Variants in EYS observed in about 807,000 individuals in gnomAD.
The protein encoded by EYS is protein eyes shut homolog.
Under a neutral mutation model 282.1 loss-of-function variants are expected in EYS, and 250 were observed. That is an observed-to-expected ratio of 0.89 (90% CI 0.80 to 0.98). EYS has a LOEUF of 0.98. Ranked by LOEUF, EYS falls within the 50% of genes least tolerant of loss-of-function variation. The pLI is 0.00. For synonymous variants in EYS, 1,355 were observed against 1,282.9 expected, an observed-to-expected ratio of 1.06 and a Z score of -1.20; for missense variants, 4,016 against 3,709.0, an observed-to-expected ratio of 1.08 and a Z score of -2.15.
At chr6:64,115,315 G>A (rs1372315708) in intron 31 of EYS, among the ~76,000 whole-genome samples, 2 of 152,244 alleles carry the variant, frequency 1.3e-5, no homozygotes, top group Non-Finnish European at 2.9e-5. Context: ...TGTAGTCATT[G>A]TGTGTCACTT....
chr6:64,759,647 A>G (rs1462403983), intron 22 of EYS, among the ~76,000 whole-genome samples: 1 of 152,178 alleles, frequency 6.6e-6, no homozygotes. Flanking sequence ...GATATAGATA[A>G]AAATATATTT....
intron 9 of EYS, among the ~76,000 whole-genome samples, chr6:65,346,006 T>A (rs146614562): frequency 1.0e-3 from 156 of 151,976 alleles, no homozygotes; most frequent in African/African-American, 3.7e-3. Context: ...CCCAACTCAG[T>A]GATCCAGATT....
At chr6:64,123,759 G>A (rs139937842) in intron 31 of EYS, among the ~76,000 whole-genome samples, 1 of 152,278 alleles carries the variant, frequency 6.6e-6, no homozygotes, top group African/African-American at 2.4e-5. Flanking sequence ...CAAACAACGA[G>A]ATATAAATAC....
intron 6 of EYS, 69 bp downstream of exon 6, chr6:65,405,105 T>G (rs755108902): frequency 6.6e-6 from 7 of 1,063,286 alleles, no homozygotes; most frequent in Non-Finnish European, 1.0e-5. Context: ...TTATTTATTC[T>G]TTTCAAATTG....
At chr6:65,288,086 G>A (rs1244580476) in intron 12 of EYS, among the ~76,000 whole-genome samples, 1 of 151,122 alleles carries the variant, frequency 6.6e-6, no homozygotes, top group Non-Finnish European at 1.5e-5. Flanking sequence ...TGAAAATTAT[G>A]TAGCAGAATA....
chr6:63,807,166 A>C (rs1414792753), intron 36 of EYS, among the ~76,000 whole-genome samples: 1 of 152,132 alleles, frequency 6.6e-6, no homozygotes, highest in Non-Finnish European at 1.5e-5. Context: ...AAATCTCCTT[A>C]CCCAAAGAGG....
intron 30 of EYS, among the ~76,000 whole-genome samples, chr6:64,253,283 CT>C (rs1391151535): frequency 6.6e-6 from 1 of 152,074 alleles, no homozygotes; most frequent in Non-Finnish European, 1.5e-5. Flanking sequence ...CTTTACTCTT[CT>C]AAGCCTTTAA....
At chr6:64,738,844 G>A (rs539737436) in intron 22 of EYS, among the ~76,000 whole-genome samples, 4 of 152,040 alleles carry the variant, frequency 2.6e-5, no homozygotes, top group African/African-American at 7.2e-5. Flanking sequence ...TGCAACCTCC[G>A]CCTCCCAGGT....
At chr6:64,584,695 T>C (rs1010441633) in intron 26 of EYS, among the ~76,000 whole-genome samples, 1 of 152,132 alleles carries the variant, frequency 6.6e-6, no homozygotes, top group African/African-American at 2.4e-5. Context: ...TTGCAAATTG[T>C]TTTACTGTTC....
chr6:65,319,162 C>A, intron 11 of EYS, among the ~76,000 whole-genome samples: 1 of 111,632 alleles, frequency 9.0e-6, no homozygotes, highest in Admixed American at 1.2e-4. Context: ...AGTTCGAGAC[C>A]AAACTGGCCA....
At chr6:64,414,987 T>C (rs1396345696) in intron 28 of EYS, among the ~76,000 whole-genome samples, 2 of 152,132 alleles carry the variant, frequency 1.3e-5, no homozygotes, top group African/African-American at 4.8e-5. Context: ...TTGGAGAGGA[T>C]GAGTATGTCT....
intron 33 of EYS, among the ~76,000 whole-genome samples, chr6:64,049,356 A>G (rs1360888425): frequency 6.6e-6 from 1 of 152,206 alleles, no homozygotes; most frequent in Non-Finnish European, 1.5e-5. Context: ...TTGCAAAATA[A>G]GTTGCAGAGA....
At chr6:64,018,776 T>G (rs1486866994) in intron 33 of EYS, among the ~76,000 whole-genome samples, 1 of 129,814 alleles carries the variant, frequency 7.7e-6, no homozygotes, top group African/African-American at 2.9e-5. Context: ...TTTTTTTTTT[T>G]TTTTTTTTTT....
intron 26 of EYS, among the ~76,000 whole-genome samples, chr6:64,460,409 C>A (rs1775705109): frequency 1.3e-5 from 2 of 152,118 alleles, no homozygotes; most frequent in Admixed American, 6.5e-5. Context: ...TTCCCATATG[C>A]AACATAATCA....
At chr6:64,988,903 C>G (rs1193143835) in intron 14 of EYS, among the ~76,000 whole-genome samples, 1 of 151,398 alleles carries the variant, frequency 6.6e-6, no homozygotes, top group Non-Finnish European at 1.5e-5. Context: ...CAGCTCACTT[C>G]CATACACTTG....
At chr6:64,952,564 T>G (rs920949843) in intron 14 of EYS, among the ~76,000 whole-genome samples, 2 of 152,014 alleles carry the variant, frequency 1.3e-5, no homozygotes, top group Non-Finnish European at 2.9e-5. Context: ...TTCCTTTACT[T>G]TCTTCCACTT....
At chr6:64,405,534 A>G (rs913434276) in intron 28 of EYS, among the ~76,000 whole-genome samples, 1 of 152,206 alleles carries the variant, frequency 6.6e-6, no homozygotes, top group Non-Finnish European at 1.5e-5. Flanking sequence ...GCAGAAGTCA[A>G]ATTGTCTCTG....
intron 2 of EYS, among the ~76,000 whole-genome samples, chr6:65,588,166 C>CA (rs760492607): frequency 1.8e-4 from 27 of 151,992 alleles, no homozygotes; most frequent in Admixed American, 5.9e-4. Flanking sequence ...TGCTGTGTAT[C>CA]ACATGCCATC....
chr6:64,596,220 T>TG (rs1373691253), intron 24 of EYS, among the ~76,000 whole-genome samples: 1 of 148,054 alleles, frequency 6.8e-6, no homozygotes, highest in African/African-American at 2.5e-5. Flanking sequence ...TCTCCAGCAC[T>TG]GGGGATTGCA....
Sources: gnomAD v4.1 joint callset for allele counts (sites outside exome capture counted in the v4.1 genomes callset) on GRCh38, gnomAD v4.1.1 for gene constraint, MANE v1.5 for transcripts, NCBI Gene and HGNC (gene_info 2026-07-23, HGNC 2026-07-21) for gene names.